The following SUFU variants were observed in gnomAD, a reference collection of about 807,000 sequenced individuals.
SUFU encodes suppressor of fused homolog.
SUFU carries 7 observed loss-of-function variants against 58.9 expected under a neutral mutation model. The ratio of observed to expected loss-of-function variants is 0.12; its 90% confidence interval spans 0.07 to 0.22. The LOEUF (loss-of-function observed/expected upper bound fraction) is 0.22, where lower values mean the gene tolerates loss of function less well. SUFU is among the 10% of genes least tolerant of loss of function. The pLI, the probability that SUFU is intolerant of heterozygous loss-of-function variation, is 1.00. For missense variants in SUFU, 451 were observed against 641.3 expected (o/e 0.70, Z 3.20); for synonymous variants, 232 against 254.8 (o/e 0.91, Z 0.85).
chr10:102,624,715 C>T (rs74153592), intron 10 of SUFU, among the ~76,000 whole-genome samples: 39 of 152,310 alleles, frequency 2.6e-4, no homozygotes, highest in African/African-American at 8.7e-4. Context: ...ATAACTCACC[C>T]TCTCCTTAGC....
rs987158621 is a variant in SUFU at position 102,620,878 on chromosome 10, C to T, written c.1296+3450C>T. Among the ~76,000 whole-genome samples, 5 of 152,320 alleles carry T rather than the reference C, an allele frequency of 3.3e-5. No homozygotes were observed. The East Asian group carries it at 9.6e-4, about 29-fold the overall frequency. On this transcript the variant is annotated intron_variant, in intron 10 of 11. Coordinates refer to ENST00000369902, the MANE Select transcript of SUFU (RefSeq NM_016169.4). Reference sequence around the variant, plus strand: ...GAAGGGGGATAAGTCTCAGCCCCAGCGGTCACATAGGGGTCACATCACCAA... The same window carrying T: ...GAAGGGGGATAAGTCTCAGCCCCAGTGGTCACATAGGGGTCACATCACCAA...
intron 3 of SUFU, 91 bp from the exon 4 acceptor site, chr10:102,592,491 C>T (rs1458764989): frequency 1.3e-6 from 2 of 1,506,000 alleles, no homozygotes; most frequent in African/African-American, 1.4e-5. Context: ...GGCTGGGAAG[C>T]CTCCCAGCCT....
chr10:102,561,895 C>G (rs2063041292), intron 3 of SUFU, among the ~76,000 whole-genome samples: 1 of 152,036 alleles, frequency 6.6e-6, no homozygotes, highest in African/African-American at 2.4e-5. Context: ...TCTTGAACTC[C>G]TGGGCTCAAG....
Position 102,619,424 on chromosome 10 carries a change from G to T in SUFU, c.1296+1996G>T. 1 of 1,338,890 alleles carries T rather than the reference G, an allele frequency of 7.5e-7. No homozygotes were observed. Among genetic ancestry groups the T allele is most frequent in the Non-Finnish European group, 9.6e-7 (1 of 1,039,886 alleles). 82.9% of individuals were successfully genotyped at this position (1,338,890 alleles called of 1,614,324 possible). The stretch of plus-strand genomic sequence containing the variant: ...GCGGTGGGAACGAGCTGCTGGCCTC[G>T]GCATGTTTCAATAAAGTTGCTGTGC... On this transcript the variant is annotated intron_variant, in intron 10 of 11. Transcript: ENST00000369902. This position sits in a 1 kb window ranked among gnomAD's most constrained non-coding sequence, Gnocchi z 4.2.
chr10:102,593,977 C>A lies in SUFU; in HGVS notation c.684-16C>A, dbSNP rs776568361. On this transcript the variant is annotated splice_polypyrimidine_tract_variant and intron_variant, in intron 5 of 11. Coordinates refer to ENST00000369902, the MANE Select transcript of SUFU (RefSeq NM_016169.4). ...AGACCCTCAGTTACCATTGTATCCC[C>A]TTTCCTTGTCCACAGTGCTGGCGGC... is the stretch of plus-strand genomic sequence containing the variant. 1 of 1,614,112 alleles carries A rather than the reference C, an allele frequency of 6.2e-7. No individual in the cohort carries two copies. The highest frequency in any genetic ancestry group is 1.7e-5 in the Admixed American group (1 of 60,014).
intron 3 of SUFU, chr10:102,590,868 A>T (rs549069217): frequency 6.6e-6 from 1 of 152,308 alleles, no homozygotes; most frequent in African/African-American, 2.4e-5. Context: ...TTCTGGGAAG[A>T]GTGGGCCTAG....
In SUFU at chr10:102,593,709, G is replaced by A. The variant is rs199673680; in HGVS notation, c.671G>A (p.Arg224Gln). Reference protein sequence around the residue: ...WNGQGILELLRTVPIAGGPWL... With the variant: ...WNGQGILELLQTVPIAGGPWL... Reference sequence around the variant, plus strand: ...GGGCAGGGCATCCTGGAGCTGCTGCGGACAGTGCCTATGTGAGTACCCATG... The same window carrying A: ...GGGCAGGGCATCCTGGAGCTGCTGCAGACAGTGCCTATGTGAGTACCCATG... The change falls in exon 5 of 12, where the codon CGG becomes CAG. Residue 224 changes from arginine (R) to glutamine (Q), a missense_variant. Transcript: ENST00000369902. 1.2e-5 allele frequency: 19 copies of A among 1,614,180 alleles called. No homozygotes were observed. Among genetic ancestry groups the A allele is most frequent in the East Asian group, 2.2e-5 (1 of 44,890 alleles).
At chr10:102,600,891 C>T (rs892645080) in intron 8 of SUFU, among the ~76,000 whole-genome samples, 1 of 152,198 alleles carries the variant, frequency 6.6e-6, no homozygotes, top group African/African-American at 2.4e-5. Context: ...CAGCCAGCTG[C>T]CCTGAAGTAG....
chr10:102,516,789 G>T (rs1470582584), intron 2 of SUFU, among the ~76,000 whole-genome samples: 1 of 151,942 alleles, frequency 6.6e-6, no homozygotes, highest in Non-Finnish European at 1.5e-5. Context: ...CTTGTGCTGG[G>T]ATTACAGGTG....
intron 2 of SUFU, among the ~76,000 whole-genome samples, chr10:102,509,692 CAT>C (rs1202578429): frequency 1.3e-5 from 2 of 152,208 alleles, no homozygotes; most frequent in African/African-American, 4.8e-5. Flanking sequence ...AGTGAACACT[CAT>C]ATACCCACAA....
chr10:102,537,094 A>G (rs1014248111), intron 2 of SUFU, among the ~76,000 whole-genome samples: 2 of 150,060 alleles, frequency 1.3e-5, no homozygotes, highest in Admixed American at 1.3e-4. Flanking sequence ...TACAGGCATG[A>G]GCCACTGCAC....
At chr10:102,578,801 G>A (rs2063242880) in intron 3 of SUFU, among the ~76,000 whole-genome samples, 1 of 152,032 alleles carries the variant, frequency 6.6e-6, no homozygotes, top group African/African-American at 2.4e-5. Flanking sequence ...AACCTGGGAG[G>A]CAGAGGTTGC....
At chr10:102,621,733 AG>A (rs1468067665) in intron 10 of SUFU, among the ~76,000 whole-genome samples, 1 of 152,232 alleles carries the variant, frequency 6.6e-6, no homozygotes, top group Non-Finnish European at 1.5e-5. Flanking sequence ...GGGAGGGAAA[AG>A]AAAGCCAAAT....
At chr10:102,513,851 A>G (rs1417954942) in intron 2 of SUFU, among the ~76,000 whole-genome samples, 1 of 152,018 alleles carries the variant, frequency 6.6e-6, no homozygotes, top group East Asian at 1.9e-4. Flanking sequence ...TGTTCCTTTT[A>G]AGTTATCCTC....
At chr10:102,527,382 C>T (rs2062622686) in intron 2 of SUFU, among the ~76,000 whole-genome samples, 1 of 152,018 alleles carries the variant, frequency 6.6e-6, no homozygotes, top group South Asian at 2.1e-4. Flanking sequence ...TTTTAGGAAG[C>T]ATTCCAGTGT....
chr10:102,597,451 C>T (rs971977115), intron 7 of SUFU, among the ~76,000 whole-genome samples, 158 bp downstream of exon 7: 3 of 152,200 alleles, frequency 2.0e-5, no homozygotes, highest in East Asian at 1.9e-4. Context: ...TCCAGCAGGG[C>T]GGAATTAAGG....
intron 2 of SUFU, among the ~76,000 whole-genome samples, chr10:102,526,056 A>G (rs1007653483): frequency 6.6e-6 from 1 of 151,880 alleles, no homozygotes; most frequent in African/African-American, 2.4e-5. Flanking sequence ...ATTATGCACT[A>G]TGCCAGTCAG....
intron 3 of SUFU, among the ~76,000 whole-genome samples, chr10:102,555,392 G>A (rs1184745037): frequency 1.0e-4 from 15 of 144,446 alleles, no homozygotes; most frequent in South Asian, 4.3e-4. Flanking sequence ...TGTCTTGCTC[G>A]TCCCTGAATC....
At chr10:102,611,425 C>A (rs570510990) in intron 8 of SUFU, among the ~76,000 whole-genome samples, 1 of 152,278 alleles carries the variant, frequency 6.6e-6, no homozygotes, top group South Asian at 2.1e-4. Flanking sequence ...TCCAGAGCAC[C>A]AGTGGTTGAC....
Sources: gnomAD v4.1 joint callset for allele counts (sites outside exome capture counted in the v4.1 genomes callset) on GRCh38, gnomAD v4.1.1 for gene constraint, Gnocchi (gnomAD v3.1) non-coding constraint, MANE v1.5 for transcripts, NCBI Gene and HGNC (gene_info 2026-07-23, HGNC 2026-07-21) for gene names.